Variants in ROBO2 observed in about 807,000 individuals in gnomAD.
ROBO2 encodes roundabout guidance receptor 2, also known as roundabout homolog 2.
ROBO2 carries 53 observed loss-of-function variants against 160.8 expected under a neutral mutation model. The ratio of observed to expected loss-of-function variants is 0.33; its 90% CI spans 0.26 to 0.41. The LOEUF is 0.41. Ranked by LOEUF, ROBO2 falls within the 10% of genes least tolerant of loss-of-function variation. ROBO2 has a pLI of 1.00. For synonymous variants in ROBO2, 664 were observed against 611.7 expected (o/e 1.09, Z -1.26); for missense variants, 1,577 against 1,722.4 (o/e 0.92, Z 1.49).
intron 2 of ROBO2, among the ~76,000 whole-genome samples, chr3:77,104,309 A>G (rs2072487428): frequency 6.6e-6 from 1 of 152,174 alleles, no homozygotes; most frequent in African/African-American, 2.4e-5. Flanking sequence ...TGTTAGAATC[A>G]TACAATATAT....
At chr3:76,120,445 T>C (rs778030419) in intron 2 of ROBO2, among the ~76,000 whole-genome samples, 1 of 152,230 alleles carries the variant, frequency 6.6e-6, no homozygotes, top group Non-Finnish European at 1.5e-5. Context: ...ATTAGGCACA[T>C]GACTGTTCTT....
intron 2 of ROBO2, among the ~76,000 whole-genome samples, chr3:77,472,684 T>C (rs1159205336): frequency 6.6e-6 from 1 of 152,152 alleles, no homozygotes; most frequent in Non-Finnish European, 1.5e-5. Context: ...AAGTTCTATA[T>C]TAGAATGTAC....
intron 2 of ROBO2, among the ~76,000 whole-genome samples, chr3:76,627,632 A>G (rs1482599664): frequency 1.3e-5 from 2 of 151,948 alleles, no homozygotes; most frequent in African/African-American, 4.8e-5. Context: ...ACTAAGCTTC[A>G]ATTTCTTTGA....
intron 2 of ROBO2, among the ~76,000 whole-genome samples, chr3:76,685,591 G>A (rs1052476170): frequency 1.3e-5 from 2 of 151,830 alleles, no homozygotes; most frequent in Admixed American, 6.6e-5. Flanking sequence ...CATGAATTCT[G>A]GGTTTTTCCA....
intron 23 of ROBO2, among the ~76,000 whole-genome samples, chr3:77,623,799 C>A (rs1201408763): frequency 6.6e-6 from 1 of 152,158 alleles, no homozygotes; most frequent in Non-Finnish European, 1.5e-5. Context: ...ACTAATGATA[C>A]TGAACTCTTT....
At chr3:77,192,261 C>T (rs2081922668) in intron 2 of ROBO2, among the ~76,000 whole-genome samples, 1 of 151,970 alleles carries the variant, frequency 6.6e-6, no homozygotes, top group South Asian at 2.1e-4. Flanking sequence ...TTTTAATATG[C>T]TGAACATGAT....
intron 2 of ROBO2, among the ~76,000 whole-genome samples, chr3:76,612,284 G>A (rs187131223): frequency 7.0e-4 from 106 of 152,300 alleles, no homozygotes; most frequent in African/African-American, 2.4e-3. Context: ...GGTCTATAGC[G>A]CAGATTAAAT....
chr3:76,967,455 C>T (rs73104486), intron 2 of ROBO2, among the ~76,000 whole-genome samples: 30,021 of 149,352 alleles, frequency 0.2, 3,177 homozygotes, highest in South Asian at 0.31. Flanking sequence ...GATCCATCCA[C>T]CTCCACCTCC....
intron 1 of ROBO2, among the ~76,000 whole-genome samples, chr3:77,095,995 C>A (rs896540127): frequency 3.3e-5 from 5 of 151,512 alleles, no homozygotes; most frequent in African/African-American, 1.2e-4. Context: ...TGTATACATT[C>A]TTTTTTGGTC....
At chr3:77,085,842 T>A (rs909205912) in intron 1 of ROBO2, among the ~76,000 whole-genome samples, 2 of 152,132 alleles carry the variant, frequency 1.3e-5, no homozygotes, top group African/African-American at 2.4e-5. Flanking sequence ...AGGATGAGAA[T>A]GATTTTGTTT....
intron 2 of ROBO2, among the ~76,000 whole-genome samples, chr3:76,558,508 A>C (rs1002919176): frequency 6.6e-6 from 1 of 152,102 alleles, no homozygotes; most frequent in Admixed American, 6.6e-5. Flanking sequence ...TATACTTTTA[A>C]AACAGTTTCT....
chr3:77,444,684 G>A (rs2080285010), intron 2 of ROBO2, among the ~76,000 whole-genome samples: 1 of 152,152 alleles, frequency 6.6e-6, no homozygotes, highest in South Asian at 2.1e-4. Context: ...AAGGCTCTCA[G>A]TGGATGACGT....
At chr3:77,081,317 A>T (rs1215824977) in intron 1 of ROBO2, among the ~76,000 whole-genome samples, 1 of 152,232 alleles carries the variant, frequency 6.6e-6, no homozygotes, top group Non-Finnish European at 1.5e-5. Context: ...AGTGAAATTC[A>T]GCAGAAGGCA....
At chr3:77,445,794 GTTT>G (rs199914360) in intron 2 of ROBO2, among the ~76,000 whole-genome samples, 66 of 123,088 alleles carry the variant, frequency 5.4e-4, no homozygotes, top group African/African-American at 1.7e-3. Flanking sequence ...GTTTTTTTTT[GTTT>G]TTTTTTTTTT....
chr3:77,037,059 C>A (rs2063679299), upstream of ROBO2, among the ~76,000 whole-genome samples: 1 of 151,926 alleles, frequency 6.6e-6, no homozygotes, highest in Non-Finnish European at 1.5e-5. Flanking sequence ...TATCATATAT[C>A]TCAGAAGGTA....
rs567921971 is a variant in ROBO2 at position 76,746,687 on chromosome 3, T to C, written c.110-351327T>C. 9.2e-5 allele frequency among the ~76,000 whole-genome samples: 14 copies of C among 152,272 alleles called. No homozygotes were observed. In the South Asian group the frequency reaches 1.7e-3, roughly 18 times the overall value. On this transcript the variant is annotated intron_variant, in intron 2 of 26. Transcript: ENST00000487694. Reference sequence around the variant, plus strand: ...TAAGTTCCAGGGTACATAGGCAGGATGTTCAGGTTTGTTACACAGGTAAAC... The same window carrying C: ...TAAGTTCCAGGGTACATAGGCAGGACGTTCAGGTTTGTTACACAGGTAAAC...
chr3:76,145,218 T>A (rs1213289229), intron 2 of ROBO2, among the ~76,000 whole-genome samples: 1 of 152,072 alleles, frequency 6.6e-6, no homozygotes. Context: ...TGACTTATTT[T>A]TTCTATTCTG....
intron 24 of ROBO2, among the ~76,000 whole-genome samples, chr3:77,636,976 A>T (rs2095274380): frequency 6.6e-6 from 1 of 152,226 alleles, no homozygotes; most frequent in Admixed American, 6.5e-5. Context: ...ACAATGTCAG[A>T]TTGAAAGGTG....
chr3:77,203,980 A>G (rs866020331), intron 2 of ROBO2, among the ~76,000 whole-genome samples: 40 of 152,332 alleles, frequency 2.6e-4, no homozygotes, highest in Admixed American at 9.2e-4. Context: ...TTTGGCAACT[A>G]TCTCTTTTAG....
Sources: gnomAD v4.1 joint callset for allele counts (sites outside exome capture counted in the v4.1 genomes callset) on GRCh38, gnomAD v4.1.1 for gene constraint, MANE v1.5 for transcripts, NCBI Gene and HGNC (gene_info 2026-07-23, HGNC 2026-07-21) for gene names.